DST: variants seen among roughly 807,000 people sequenced by gnomAD.
DST encodes bullous pemphigoid antigen.
Under a neutral mutation model 875.2 loss-of-function variants are expected in DST, and 253 were observed. The ratio of observed to expected loss-of-function variants is 0.29; its 90% CI spans 0.26 to 0.32. The LOEUF (loss-of-function observed/expected upper bound fraction) is 0.32, where lower values mean the gene tolerates loss of function less well. Ranked by LOEUF, DST falls within the 10% of genes least tolerant of loss-of-function variation. The pLI is 1.00. For missense variants in DST, 8,287 were observed against 9,111.6 expected (o/e 0.91, Z 3.68); for synonymous variants, 3,124 against 3,197.1 (o/e 0.98, Z 0.77).
At position 56,619,443 on chromosome 6, in the gene DST, T is replaced by C. The variant is rs1053316518; in HGVS notation, c.4930-4959A>G. ...TCATGGCTTTTCTCAAATTGTTCTT[T>C]TAGATGATCTGATTTTCTCTGGCAG... On this transcript the variant is annotated intron_variant, in intron 36 of 103. Coordinates refer to ENST00000680361, the MANE Select transcript of DST (RefSeq NM_001374736.1). 1.2e-6 allele frequency: 2 copies of C among 1,612,332 alleles called. No individual in the cohort carries two copies. The highest frequency in any genetic ancestry group is 1.7e-5 in the Admixed American group (1 of 59,734).
At chr6:56,709,902 A>G (rs75280922) in intron 5 of DST, among the ~76,000 whole-genome samples, 3,309 of 152,294 alleles carry the variant, frequency 0.022, 101 homozygotes, top group African/African-American at 0.071. Flanking sequence ...GCAAGGACAC[A>G]CAAAACTACA....
chr6:56,631,488 A>G, intron 29 of DST, 99 bp from the exon 30 acceptor site: 1 of 942,476 alleles, frequency 1.1e-6, no homozygotes, highest in South Asian at 1.4e-5. Flanking sequence ...TTAAGAACCA[A>G]TGACTTAGAA....
chr6:56,669,063 T>C (rs183993099), intron 10 of DST, among the ~76,000 whole-genome samples: 1 of 152,080 alleles, frequency 6.6e-6, no homozygotes, highest in Non-Finnish European at 1.5e-5. Flanking sequence ...ATTCCTGCTT[T>C]ATGAGATTGT....
intron 80 of DST, among the ~76,000 whole-genome samples, chr6:56,500,461 C>T (rs1434382545): frequency 3.3e-5 from 5 of 152,014 alleles, no homozygotes; most frequent in Admixed American, 3.3e-4. Context: ...AAATCAAGTG[C>T]AGGACATATA....
At chr6:56,632,791 A>G (rs1485527793) in intron 28 of DST, 63 bp downstream of exon 28, 1 of 1,392,610 alleles carries the variant, frequency 7.2e-7, no homozygotes, top group Non-Finnish European at 1.0e-6. Context: ...TCCCATTGAG[A>G]GCAAAAAATA....
At chr6:56,495,696 T>C (rs902946956) in intron 82 of DST, among the ~76,000 whole-genome samples, 8 of 152,024 alleles carry the variant, frequency 5.3e-5, no homozygotes, top group East Asian at 1.9e-4. Context: ...GTGAAACAAA[T>C]AGGTCTCCTG....
At chr6:56,567,435 A>G (rs1459654487) in intron 55 of DST, among the ~76,000 whole-genome samples, 1 of 151,616 alleles carries the variant, frequency 6.6e-6, no homozygotes, top group Non-Finnish European at 1.5e-5. Context: ...AGAGTAAAAA[A>G]AAAAAAAAAA....
chr6:56,762,593 C>A (rs1333431021), intron 4 of DST, among the ~76,000 whole-genome samples: 3 of 152,202 alleles, frequency 2.0e-5, no homozygotes, highest in African/African-American at 7.2e-5. Flanking sequence ...TATCATAACT[C>A]TTTTGTAGTC....
chr6:56,515,615 T>G lies in DST; in HGVS notation c.18411A>C (p.Ser6137=). 6.2e-7 allele frequency: 1 copy of G among 1,613,490 alleles called. No individual in the cohort carries two copies. Among genetic ancestry groups the G allele is most frequent in the Non-Finnish European group, 8.5e-7 (1 of 1,179,634 alleles). Residue 6137 remains serine, a synonymous_variant, in exon 72 of 104, where the codon TCA becomes TCC. Transcript: ENST00000680361. Reference sequence around the variant, plus strand: ...CCCGTTCCAGCTGCAGATACCTTTCTGAATTAATCTGGCAGATGGTATCAT... The same window carrying G: ...CCCGTTCCAGCTGCAGATACCTTTCGGAATTAATCTGGCAGATGGTATCAT... The part of the protein sequence containing the change: ...KNYDTICQIN[S]ERYLQLERAQ...
intron 10 of DST, among the ~76,000 whole-genome samples, chr6:56,662,229 C>G (rs1421641416): frequency 6.6e-6 from 1 of 152,120 alleles, no homozygotes; most frequent in Non-Finnish European, 1.5e-5. Context: ...TTTTGGCAGA[C>G]AATTCAGAAG....
intron 57 of DST, 27 bp from the exon 58 acceptor site, chr6:56,560,450 CAT>C (rs765466033): frequency 1.3e-6 from 2 of 1,566,710 alleles, no homozygotes; most frequent in East Asian, 2.3e-5. Flanking sequence ...AATAATAAAT[CAT>C]GTGTACAGCA....
At chr6:56,573,289 G>A (rs1178053675) in intron 51 of DST, among the ~76,000 whole-genome samples, 1 of 152,180 alleles carries the variant, frequency 6.6e-6, no homozygotes, top group Non-Finnish European at 1.5e-5. Flanking sequence ...AAAGAGGCAG[G>A]AGGCTGCTGC....
intron 78 of DST, 92 bp downstream of exon 78, chr6:56,503,905 A>T: frequency 1.2e-6 from 1 of 818,302 alleles, no homozygotes; most frequent in Non-Finnish European, 1.9e-6. Flanking sequence ...TGTCATACTT[A>T]CATTAGGTAA....
chr6:56,830,921 T>G (rs1195032567), intron 4 of DST, among the ~76,000 whole-genome samples: 1 of 152,176 alleles, frequency 6.6e-6, no homozygotes, highest in Non-Finnish European at 1.5e-5. Flanking sequence ...TTACCTACAG[T>G]ATGGTGTTCT....
chr6:56,904,136 T>C (rs1330797470), intron 2 of DST, among the ~76,000 whole-genome samples: 1 of 152,232 alleles, frequency 6.6e-6, no homozygotes, highest in Admixed American at 6.5e-5. Context: ...ATAATTACTA[T>C]GGATATTACT....
At position 56,651,042 on chromosome 6, in the gene DST, G is replaced by A. The variant is rs1219933914; in HGVS notation, c.1328-10C>T. 1.3e-5 allele frequency: 20 copies of A among 1,595,922 alleles called. No homozygotes were observed. Among genetic ancestry groups the A allele is most frequent in the Non-Finnish European group, 1.6e-5 (19 of 1,164,590 alleles). ...GAGGAGACATCGACATCTAAAAACA[G>A]CAACATAAATTAATTATTTCACAAT... On this transcript the variant is annotated splice_polypyrimidine_tract_variant and intron_variant, in intron 11 of 103. Transcript: ENST00000680361.
At chr6:56,742,047 C>A (rs2099548752) in intron 4 of DST, among the ~76,000 whole-genome samples, 1 of 152,152 alleles carries the variant, frequency 6.6e-6, no homozygotes, top group Non-Finnish European at 1.5e-5. Context: ...CAGTACCACA[C>A]ACGCAGTAAG....
At chr6:56,584,902 A>T (rs1255675240) in intron 49 of DST, among the ~76,000 whole-genome samples, 1 of 151,944 alleles carries the variant, frequency 6.6e-6, no homozygotes, top group African/African-American at 2.4e-5. Context: ...ACATTTATTG[A>T]TTTGTGTATA....
chr6:56,728,560 C>A (rs556762419), intron 5 of DST, among the ~76,000 whole-genome samples: 34 of 152,234 alleles, frequency 2.2e-4, no homozygotes, highest in African/African-American at 8.2e-4. Flanking sequence ...CCTGTAATCC[C>A]AGCTGCTCAG....
Sources: allele counts gnomAD v4.1 joint callset (sites outside exome capture counted in the v4.1 genomes callset), GRCh38; gene constraint gnomAD v4.1.1; transcripts MANE v1.5; gene names NCBI Gene and HGNC (gene_info 2026-07-23, HGNC 2026-07-21).